Variants in XKR9 observed in about 807,000 individuals in gnomAD.
The protein encoded by XKR9 is XK related 9, also known as XK-related protein 9.
XKR9 carries 32 observed loss-of-function variants against 32.0 expected under a neutral mutation model. The observed-to-expected ratio is 1.00, with a 90% confidence interval of 0.76 to 1.34. XKR9 has a LOEUF of 1.34. Among genes scored for constraint, XKR9 ranks in the 40% most tolerant of loss-of-function variants. The probability of loss-of-function intolerance (pLI) is 0.00; values close to 1 mark genes in which losing one functional copy is unlikely to be tolerated. For missense variants in XKR9, 546 were observed against 429.7 expected, an observed-to-expected ratio of 1.27 and a Z score of -2.39; for synonymous variants, 168 against 143.4, an observed-to-expected ratio of 1.17 and a Z score of -1.22.
chr8:70,839,952 G>A, the XKR9 span, among the ~76,000 whole-genome samples: 8 of 152,092 alleles, frequency 5.3e-5, no homozygotes, highest in Non-Finnish European at 7.4e-5. Context: ...CCCATTTAAC[G>A]TTCTCTTTCA....
the XKR9 span, among the ~76,000 whole-genome samples, chr8:70,859,665 A>G: frequency 6.6e-6 from 1 of 152,164 alleles, no homozygotes; most frequent in Non-Finnish European, 1.5e-5. Context: ...CATAACAAAG[A>G]GTGGAATCCT....
At chr8:70,830,417 C>CAA in the XKR9 span, among the ~76,000 whole-genome samples, 116 of 99,906 alleles carry the variant, frequency 1.2e-3, no homozygotes, top group African/African-American at 3.7e-3. Flanking sequence ...CTTGTCTTTA[C>CAA]AAAAAAAAAA....
chr8:70,761,361 C>T (rs375935072), intron 2 of XKR9, among the ~76,000 whole-genome samples: 4 of 152,274 alleles, frequency 2.6e-5, no homozygotes, highest in African/African-American at 9.6e-5. Flanking sequence ...TCACCACAGC[C>T]TCACCAGCAT....
chr8:70,974,635 A>G, the XKR9 span, among the ~76,000 whole-genome samples: 1 of 152,178 alleles, frequency 6.6e-6, no homozygotes, highest in Non-Finnish European at 1.5e-5. Context: ...AATCCAGTCT[A>G]TAATTGATGG....
chr8:70,910,605 C>T, the XKR9 span, among the ~76,000 whole-genome samples: 2 of 152,182 alleles, frequency 1.3e-5, no homozygotes, highest in Non-Finnish European at 2.9e-5. Flanking sequence ...GGGAGTAGAA[C>T]TCAGGAACAA....
At chr8:71,018,058 T>C in the XKR9 span, among the ~76,000 whole-genome samples, 1 of 152,232 alleles carries the variant, frequency 6.6e-6, no homozygotes, top group African/African-American at 2.4e-5. Flanking sequence ...TCTTATATTT[T>C]GTGATGTGAA....
the XKR9 span, among the ~76,000 whole-genome samples, chr8:70,863,046 C>CAGT: frequency 6.6e-6 from 1 of 152,030 alleles, no homozygotes; most frequent in African/African-American, 2.4e-5. Context: ...TGTCAGCGTG[C>CAGT]AGTAGCAAGA....
At chr8:70,851,914 A>C in the XKR9 span, among the ~76,000 whole-genome samples, 1 of 152,342 alleles carries the variant, frequency 6.6e-6, no homozygotes, top group Middle Eastern at 3.4e-3. Context: ...AATTGCAACA[A>C]AAGCCAAAAT....
intron 4 of XKR9, among the ~76,000 whole-genome samples, chr8:70,712,119 A>G (rs931010295): frequency 3.3e-5 from 5 of 152,174 alleles, no homozygotes; most frequent in Non-Finnish European, 5.9e-5. Context: ...TAAAAACAGT[A>G]TAAGCACATA....
At chr8:70,887,015 G>C in the XKR9 span, among the ~76,000 whole-genome samples, 1 of 152,024 alleles carries the variant, frequency 6.6e-6, no homozygotes, top group South Asian at 2.1e-4. Flanking sequence ...TGTTCTGAAT[G>C]GTGTCGCCTA....
the XKR9 span, among the ~76,000 whole-genome samples, chr8:70,948,586 G>T: frequency 6.6e-6 from 1 of 152,058 alleles, no homozygotes; most frequent in Non-Finnish European, 1.5e-5. Context: ...ATTCTCTCTG[G>T]TCTATACAAT....
chr8:70,764,443 T>C (rs1329383675), intron 2 of XKR9, among the ~76,000 whole-genome samples: 1 of 152,190 alleles, frequency 6.6e-6, no homozygotes, highest in Non-Finnish European at 1.5e-5. Context: ...TCTGTTTTCC[T>C]TCTCTTCCCA....
intron 4 of XKR9, among the ~76,000 whole-genome samples, chr8:70,711,541 A>C (rs995132475): frequency 1.3e-5 from 2 of 152,172 alleles, no homozygotes; most frequent in Non-Finnish European, 2.9e-5. Context: ...ACCAAATACC[A>C]CAGTGTTCTC....
chr8:70,952,923 A>G, the XKR9 span, among the ~76,000 whole-genome samples: 2 of 152,236 alleles, frequency 1.3e-5, no homozygotes, highest in East Asian at 3.8e-4. Flanking sequence ...ATCAAATGAC[A>G]TTGCTGTGAC....
chr8:70,834,228 A>G, the XKR9 span, among the ~76,000 whole-genome samples: 3 of 152,064 alleles, frequency 2.0e-5, no homozygotes, highest in African/African-American at 7.2e-5. Context: ...ATTCTTTTAC[A>G]ACTTTCTGTT....
the XKR9 span, among the ~76,000 whole-genome samples, chr8:70,979,765 G>T: frequency 6.6e-6 from 1 of 152,238 alleles, no homozygotes; most frequent in Admixed American, 6.5e-5. Flanking sequence ...CAAACATTGT[G>T]CTGGGAGAAC....
chr8:70,780,380 C>T (rs1807598183), intron 2 of XKR9, among the ~76,000 whole-genome samples: 2 of 151,846 alleles, frequency 1.3e-5, no homozygotes, highest in African/African-American at 4.8e-5. Context: ...TATAAATTTT[C>T]TTCAAAACGT....
chr8:70,985,681 C>G, the XKR9 span, among the ~76,000 whole-genome samples: 1 of 151,976 alleles, frequency 6.6e-6, no homozygotes, highest in Non-Finnish European at 1.5e-5. Flanking sequence ...CCTTTTTCAC[C>G]CTCCTACCCT....
chr8:70,950,841 T>G, the XKR9 span, among the ~76,000 whole-genome samples: 1 of 151,938 alleles, frequency 6.6e-6, no homozygotes, highest in Non-Finnish European at 1.5e-5. Context: ...GCCCAGCTAA[T>G]TTTTGAATTT....
Sources: allele counts gnomAD v4.1 joint callset (sites outside exome capture counted in the v4.1 genomes callset), GRCh38; gene constraint gnomAD v4.1.1; transcripts MANE v1.5; gene names NCBI Gene and HGNC (gene_info 2026-07-23, HGNC 2026-07-21).